Variants in RAPGEF2 observed in about 807,000 individuals in gnomAD.
RAPGEF2 encodes the protein Rap guanine nucleotide exchange factor 2.
RAPGEF2 carries 54 observed loss-of-function variants against 186.7 expected under a neutral mutation model. That is an observed-to-expected ratio of 0.29 (90% CI 0.23 to 0.36). The LOEUF is 0.36. RAPGEF2 is among the 10% of genes least tolerant of loss of function. RAPGEF2 has a pLI of 1.00. For synonymous variants in RAPGEF2, 712 were observed against 705.9 expected, an observed-to-expected ratio of 1.01 and a Z score of -0.14; for missense variants, 1,532 against 2,045.0, an observed-to-expected ratio of 0.75 and a Z score of 4.84.
At chr4:159,122,038 C>CAAAAAAAAAAAAAAAAA (rs70962654) in intron 1 of RAPGEF2, among the ~76,000 whole-genome samples, 1 of 51,440 alleles carries the variant, frequency 1.9e-5, no homozygotes, top group Non-Finnish European at 3.5e-5. Flanking sequence ...GACTCCATCT[C>CAAAAAAAAAAAAAAAAA]AAAAAAAAAA....
Position 159,356,045 on chromosome 4 carries a change from A to G in RAPGEF2, c.4844A>G (p.His1615Arg), listed in dbSNP as rs558364074. Residue 1615 changes from histidine (H) to arginine (R), a missense_variant, in exon 29 of 30, where the codon CAT becomes CGT. Physicochemically the swap from His to Arg is conservative, Grantham distance 29. Around this residue, in one of 4 missense-constraint regions of RAPGEF2, gnomAD observed 594 missense variants for 608.5 expected, o/e 0.98. Transcript: ENST00000691494. ...GGGCCTTCATCCGTACAGCAGCCAC[A>G]TGGGCATCCCACCAGCAGCAGGCCT... Reference protein sequence around the residue: ...TAGPSSVQQPHGHPTSSRPVN... With the variant: ...TAGPSSVQQPRGHPTSSRPVN... The G allele has an allele frequency of 3.7e-6, 6 of 1,614,172 alleles. No homozygotes were observed. In the East Asian group the frequency reaches 6.7e-5, roughly 18 times the overall value.
At chr4:159,225,407 T>C (rs1439670092) in intron 4 of RAPGEF2, among the ~76,000 whole-genome samples, 2 of 152,172 alleles carry the variant, frequency 1.3e-5, no homozygotes, top group Non-Finnish European at 2.9e-5. Context: ...AATTTGAAAA[T>C]GATTGAGTTG....
intron 4 of RAPGEF2, among the ~76,000 whole-genome samples, chr4:159,218,863 G>GAATCC (rs1751242709): frequency 6.6e-6 from 1 of 152,178 alleles, no homozygotes; most frequent in Non-Finnish European, 1.5e-5. Context: ...TACTAAGTGT[G>GAATCC]TAAGAACTGC....
intron 7 of RAPGEF2, among the ~76,000 whole-genome samples, chr4:159,257,548 A>G (rs1579640696): frequency 6.6e-6 from 1 of 152,214 alleles, no homozygotes; most frequent in African/African-American, 2.4e-5. Context: ...TTGGTTGGGG[A>G]TGCAGAGCCA....
At chr4:159,261,390 G>T (rs1433252762) in intron 7 of RAPGEF2, among the ~76,000 whole-genome samples, 2 of 152,126 alleles carry the variant, frequency 1.3e-5, no homozygotes, top group Non-Finnish European at 2.9e-5. Flanking sequence ...AGAAATTCTT[G>T]AACTTAGTAA....
At chr4:159,330,704 T>A in intron 13 of RAPGEF2, 1 of 480,856 alleles carries the variant, frequency 2.1e-6, no homozygotes, top group Non-Finnish European at 3.6e-6. Context: ...AAATATTAGT[T>A]CAGCCTTCTT....
chr4:159,194,122 C>CA (rs1422725129), intron 3 of RAPGEF2, among the ~76,000 whole-genome samples: 1 of 152,180 alleles, frequency 6.6e-6, no homozygotes, highest in Non-Finnish European at 1.5e-5. Flanking sequence ...AACCAGGTCT[C>CA]AAAGATGTGT....
intron 1 of RAPGEF2, among the ~76,000 whole-genome samples, chr4:159,119,141 T>A (rs1304495133): frequency 6.6e-6 from 1 of 152,074 alleles, no homozygotes. Context: ...CCAGGCTTAT[T>A]TTTTTTATAT....
chr4:159,125,609 T>G (rs1366101465), intron 1 of RAPGEF2, among the ~76,000 whole-genome samples: 1 of 151,874 alleles, frequency 6.6e-6, no homozygotes, highest in African/African-American at 2.4e-5. Context: ...ATACAAAAAT[T>G]TAGCCGGGCA....
chr4:159,359,042 G>T lies in RAPGEF2; in HGVS notation c.*903G>T, dbSNP rs1386730641. On this transcript the variant is annotated 3_prime_UTR_variant, in exon 30 of 30. Coordinates refer to ENST00000691494, the MANE Select transcript of RAPGEF2 (RefSeq NM_001394067.2). ...GTCTGAGCCTTATGGAGGCAGGACGGTGTCATTGGCGGATGTGTCCTGCTC... is the reference window on the plus strand; with the variant it reads ...GTCTGAGCCTTATGGAGGCAGGACGTTGTCATTGGCGGATGTGTCCTGCTC... The T allele has an allele frequency of 3.9e-5, 6 of 152,248 alleles. No individual in the cohort carries two copies. The highest frequency in any genetic ancestry group is 1.4e-4 in the African/African-American group (6 of 41,462). The allele number at this position is 152,248 out of a possible 1,614,324, so 9.4% of individuals were successfully genotyped here.
In RAPGEF2 at chr4:159,330,244, T is replaced by A. The variant is rs991362835; in HGVS notation, c.1303-90T>A. ...ATCCCAGTACCATATAAATGTCATA[T>A]ATGTGTGTGTGTATATGTATATGTG... On this transcript the variant is annotated intron_variant, in intron 12 of 29. Transcript: ENST00000691494. 14 of 906,652 alleles carry A rather than the reference T, an allele frequency of 1.5e-5. No individual in the cohort carries two copies. In the African/African-American group the frequency reaches 2.0e-4, roughly 13 times the overall value. The allele number at this position is 906,652 out of a possible 1,614,324, so 56.2% of individuals were successfully genotyped here.
intron 4 of RAPGEF2, among the ~76,000 whole-genome samples, chr4:159,221,592 G>T (rs1751544879): frequency 2.0e-5 from 3 of 152,150 alleles, no homozygotes; most frequent in Admixed American, 2.0e-4. Context: ...AGGAGAAAGA[G>T]GAAAATGGAT....
chr4:159,340,595 A>G (rs1161385771), intron 19 of RAPGEF2, among the ~76,000 whole-genome samples: 1 of 151,924 alleles, frequency 6.6e-6, no homozygotes, highest in Non-Finnish European at 1.5e-5. Flanking sequence ...CTGTTTTGTC[A>G]TTTATGGAAT....
chr4:159,304,811 C>T (rs925066853), intron 8 of RAPGEF2, among the ~76,000 whole-genome samples: 1 of 151,954 alleles, frequency 6.6e-6, no homozygotes, highest in Non-Finnish European at 1.5e-5. Context: ...ACATGGTGCC[C>T]GTTAAGTAAT....
At chr4:159,173,514 CCT>C (rs1233185699) in intron 1 of RAPGEF2, among the ~76,000 whole-genome samples, 1 of 152,046 alleles carries the variant, frequency 6.6e-6, no homozygotes, top group Non-Finnish European at 1.5e-5. Flanking sequence ...TATAGCAGCC[CCT>C]GTCTGTCCAC....
chr4:159,141,021 G>A (rs578043275), intron 1 of RAPGEF2, among the ~76,000 whole-genome samples: 4 of 152,002 alleles, frequency 2.6e-5, no homozygotes, highest in African/African-American at 9.6e-5. Flanking sequence ...CAGTAGAGAC[G>A]GGGTTGAGTT....
At chr4:159,239,392 A>G (rs1425236785) in intron 5 of RAPGEF2, among the ~76,000 whole-genome samples, 1 of 152,198 alleles carries the variant, frequency 6.6e-6, no homozygotes, top group Non-Finnish European at 1.5e-5. Context: ...TAAATGAGGA[A>G]TTATTTTTTA....
intron 24 of RAPGEF2, among the ~76,000 whole-genome samples, chr4:159,346,207 C>T (rs1392343358): frequency 2.0e-5 from 3 of 152,152 alleles, no homozygotes; most frequent in African/African-American, 7.2e-5. Context: ...TAAAATGCTA[C>T]ATATACAACA....
chr4:159,268,362 A>G, intron 7 of RAPGEF2: 1 of 604,052 alleles, frequency 1.7e-6, no homozygotes, highest in Non-Finnish European at 2.7e-6. Flanking sequence ...GGTGCATTAA[A>G]GCTGGCTTGT....
Sources: allele counts gnomAD v4.1 joint callset (sites outside exome capture counted in the v4.1 genomes callset), GRCh38; gene constraint gnomAD v4.1.1; regional missense constraint gnomAD v4.1.1; transcripts MANE v1.5; gene names NCBI Gene and HGNC (gene_info 2026-07-23, HGNC 2026-07-21).